RASEF: variants seen among roughly 807,000 people sequenced by gnomAD.
The protein encoded by RASEF is ras and EF-hand domain-containing protein.
In RASEF, 68 loss-of-function variants were observed where a neutral mutation model predicts 90.1. That is an observed-to-expected ratio of 0.75 (90% CI 0.62 to 0.92). The LOEUF is 0.92. Among genes scored for constraint, RASEF ranks in the 40% least tolerant of loss-of-function variants. The probability of loss-of-function intolerance (pLI) is 0.00; values close to 1 mark genes in which losing one functional copy is unlikely to be tolerated. For missense variants in RASEF, 949 were observed against 937.2 expected (o/e 1.01, Z -0.16); for synonymous variants, 331 against 345.2 (o/e 0.96, Z 0.46).
At chr9:83,049,233 G>A (rs1829995417) in intron 1 of RASEF, 3 of 794,600 alleles carry the variant, frequency 3.8e-6, no homozygotes, top group African/African-American at 1.9e-5. Flanking sequence ...AAACTTCCTT[G>A]TACCAACAGC....
At chr9:83,073,428 C>T in the RASEF span, among the ~76,000 whole-genome samples, 852 of 151,144 alleles carry the variant, frequency 5.6e-3, 7 homozygotes, top group African/African-American at 0.02. Context: ...TGTTGCACTA[C>T]TGCTTATCTT....
chr9:83,028,569 T>C (rs1296384642), intron 1 of RASEF, among the ~76,000 whole-genome samples: 1 of 152,198 alleles, frequency 6.6e-6, no homozygotes, highest in African/African-American at 2.4e-5. Flanking sequence ...GCAAGAAAGA[T>C]GACAATAATC....
chr9:83,096,816 A>G, the RASEF span, among the ~76,000 whole-genome samples: 33 of 148,334 alleles, frequency 2.2e-4, no homozygotes, highest in Non-Finnish European at 4.2e-4. Flanking sequence ...GGTGTGTGAT[A>G]TTCCCCCTTC....
At chr9:83,162,352 T>C in the RASEF span, among the ~76,000 whole-genome samples, 10 of 152,178 alleles carry the variant, frequency 6.6e-5, no homozygotes, top group African/African-American at 1.7e-4. Context: ...TTCAGAAAAC[T>C]GCTGGAGATG....
At position 83,062,820 on chromosome 9, in the gene RASEF, G is replaced by A. The variant is rs1266528152; in HGVS notation, c.48C>T (p.Val16=). The change falls in exon 1 of 17, where the codon GTC becomes GTT. Residue 16 remains valine (V), a synonymous_variant. Coordinates refer to ENST00000376447, the MANE Select transcript of RASEF (RefSeq NM_152573.4). The part of the protein sequence containing the change: ...DGEELARLRS[V]FAACDANRSG... Reference sequence around the variant, plus strand: ...AGCGGTTCGCGTCGCAGGCGGCGAAGACTGAGCGCAGCCGGGCCAGCTCCT... The same window carrying A: ...AGCGGTTCGCGTCGCAGGCGGCGAAAACTGAGCGCAGCCGGGCCAGCTCCT... 2 of 1,553,902 alleles carry A rather than the reference G, an allele frequency of 1.3e-6. No homozygotes were observed. The highest frequency in any genetic ancestry group is 1.2e-5 in the South Asian group (1 of 84,904).
chr9:83,165,541 T>C, the RASEF span, among the ~76,000 whole-genome samples: 2 of 152,134 alleles, frequency 1.3e-5, no homozygotes, highest in East Asian at 1.9e-4. Context: ...TAGGCTTATA[T>C]TAGAAATGAA....
upstream of RASEF, chr9:83,063,194 C>A (rs1487513208): frequency 3.1e-6 from 1 of 320,456 alleles, no homozygotes; most frequent in African/African-American, 2.2e-5. Flanking sequence ...GGGTGCAGCT[C>A]CGCCCAGCCA....
At chr9:83,109,822 T>C in the RASEF span, among the ~76,000 whole-genome samples, 1 of 152,048 alleles carries the variant, frequency 6.6e-6, no homozygotes, top group Non-Finnish European at 1.5e-5. Flanking sequence ...CGTTATAAAT[T>C]CCCCCCTCAA....
chr9:83,036,189 C>T (rs1587512257), intron 1 of RASEF, among the ~76,000 whole-genome samples: 1 of 152,184 alleles, frequency 6.6e-6, no homozygotes, highest in African/African-American at 2.4e-5. Flanking sequence ...AAGCAGAACA[C>T]TCACATTCAC....
intron 2 of RASEF, among the ~76,000 whole-genome samples, chr9:83,023,733 G>A (rs535906214): frequency 6.6e-6 from 1 of 152,206 alleles, no homozygotes; most frequent in African/African-American, 2.4e-5. Context: ...GCAATGTCTG[G>A]CGGTTTTTTG....
chr9:83,064,952 C>G (rs1830269048), upstream of RASEF, among the ~76,000 whole-genome samples: 1 of 152,114 alleles, frequency 6.6e-6, no homozygotes, highest in Non-Finnish European at 1.5e-5. Context: ...CCTTTAGTCC[C>G]AGCTACTTGG....
the RASEF span, among the ~76,000 whole-genome samples, chr9:83,193,305 G>A: frequency 6.6e-6 from 1 of 152,178 alleles, no homozygotes; most frequent in Non-Finnish European, 1.5e-5. Flanking sequence ...AAAATGAAGA[G>A]TGGGTTCACA....
At chr9:83,094,099 T>G in the RASEF span, among the ~76,000 whole-genome samples, 1 of 152,214 alleles carries the variant, frequency 6.6e-6, no homozygotes, top group Non-Finnish European at 1.5e-5. Context: ...TGAAACTATT[T>G]GCTTTGTGGA....
the RASEF span, among the ~76,000 whole-genome samples, chr9:83,121,213 A>G: frequency 6.6e-6 from 1 of 152,210 alleles, no homozygotes; most frequent in South Asian, 2.1e-4. Flanking sequence ...TCAAGGCAAT[A>G]TATCAACATA....
At chr9:83,120,518 C>T in the RASEF span, among the ~76,000 whole-genome samples, 2 of 152,136 alleles carry the variant, frequency 1.3e-5, no homozygotes, top group Non-Finnish European at 2.9e-5. Flanking sequence ...GCCTCTAACC[C>T]ATCCAAATGG....
intron 14 of RASEF, among the ~76,000 whole-genome samples, chr9:82,995,898 G>A (rs541274433): frequency 1.3e-4 from 20 of 152,218 alleles, no homozygotes; most frequent in Middle Eastern, 6.8e-3. Context: ...TATGCCTCAA[G>A]TTTCTCATAA....
At chr9:83,060,890 A>G (rs995010125) in intron 1 of RASEF, among the ~76,000 whole-genome samples, 1 of 152,236 alleles carries the variant, frequency 6.6e-6, no homozygotes, top group Non-Finnish European at 1.5e-5. Context: ...GCAACATGAT[A>G]ATAATAATTC....
the RASEF span, among the ~76,000 whole-genome samples, chr9:83,194,910 A>G: frequency 3.9e-5 from 6 of 152,314 alleles, no homozygotes; most frequent in African/African-American, 1.4e-4. Context: ...ACAGAAGGTT[A>G]TAGGTCATTT....
chr9:83,012,645 T>G, intron 4 of RASEF, 134 bp from the exon 5 acceptor site: 1 of 448,116 alleles, frequency 2.2e-6, no homozygotes, highest in Non-Finnish European at 3.9e-6. Context: ...ACTTCATAAA[T>G]CATTAAACTA....
Sources: allele counts gnomAD v4.1 joint callset (sites outside exome capture counted in the v4.1 genomes callset), GRCh38; gene constraint gnomAD v4.1.1; transcripts MANE v1.5; gene names NCBI Gene and HGNC (gene_info 2026-07-23, HGNC 2026-07-21).